The following SORCS1 variants were observed in gnomAD, a reference collection of about 807,000 sequenced individuals.
SORCS1 encodes sortilin related VPS10 domain containing receptor 1.
Under a neutral mutation model 146.1 loss-of-function variants are expected in SORCS1, and 60 were observed. The ratio of observed to expected loss-of-function variants is 0.41; its 90% CI spans 0.33 to 0.51. The LOEUF (loss-of-function observed/expected upper bound fraction) is 0.51, where lower values mean the gene tolerates loss of function less well. Ranked by LOEUF, SORCS1 falls within the 20% of genes least tolerant of loss-of-function variation. The pLI is 0.21. For missense variants in SORCS1, 1,352 were observed against 1,487.6 expected, an observed-to-expected ratio of 0.91 and a Z score of 1.50; for synonymous variants, 637 against 584.0, an observed-to-expected ratio of 1.09 and a Z score of -1.31.
At chr10:107,142,236 C>T (rs1212731768) in intron 1 of SORCS1, among the ~76,000 whole-genome samples, 1 of 152,026 alleles carries the variant, frequency 6.6e-6, no homozygotes, top group African/African-American at 2.4e-5. Context: ...AAATGTGTGC[C>T]CAGGAGATGC....
chr10:106,826,744 G>C (rs746494928), intron 3 of SORCS1, among the ~76,000 whole-genome samples: 6 of 152,112 alleles, frequency 3.9e-5, no homozygotes, highest in Non-Finnish European at 8.8e-5. Flanking sequence ...GACCATGAAG[G>C]CCTCATTTAT....
At chr10:107,079,854 G>C (rs1361679375) in intron 1 of SORCS1, among the ~76,000 whole-genome samples, 1 of 152,170 alleles carries the variant, frequency 6.6e-6, no homozygotes, top group East Asian at 1.9e-4. Context: ...AAGGTATCTT[G>C]GATGGACCCC....
At chr10:107,027,101 T>TAC (rs1257106831) in intron 1 of SORCS1, among the ~76,000 whole-genome samples, 1 of 148,084 alleles carries the variant, frequency 6.8e-6, no homozygotes, top group African/African-American at 2.5e-5. Context: ...CATATATATA[T>TAC]GTATATATAA....
chr10:106,697,715 C>G (rs1275911207), intron 9 of SORCS1, among the ~76,000 whole-genome samples: 1 of 152,080 alleles, frequency 6.6e-6, no homozygotes, highest in Non-Finnish European at 1.5e-5. Context: ...AAAATCACAT[C>G]TAGTAGGTTT....
chr10:106,650,785 T>C (rs1849803905), intron 18 of SORCS1, among the ~76,000 whole-genome samples: 2 of 152,196 alleles, frequency 1.3e-5, no homozygotes, highest in Non-Finnish European at 1.5e-5. Context: ...CTGCAGTCAA[T>C]TTCCCATCTC....
intron 2 of SORCS1, among the ~76,000 whole-genome samples, chr10:106,948,289 A>G (rs201083805): frequency 6.8e-5 from 1 of 14,786 alleles, no homozygotes; most frequent in Non-Finnish European, 1.3e-4. Context: ...CAGTTTTTTG[A>G]AAAAAAAAAA....
chr10:106,838,999 C>G (rs1267591740), intron 2 of SORCS1, among the ~76,000 whole-genome samples: 1 of 152,124 alleles, frequency 6.6e-6, no homozygotes, highest in Non-Finnish European at 1.5e-5. Context: ...CTCCAACAAC[C>G]AGCTATTCCC....
At chr10:106,992,924 C>T (rs1956832400) in intron 1 of SORCS1, among the ~76,000 whole-genome samples, 1 of 146,404 alleles carries the variant, frequency 6.8e-6, no homozygotes. Context: ...CTCTGCCTCC[C>T]TGGTTCAAGC....
At chr10:106,585,757 C>T (rs763689783) in intron 24 of SORCS1, among the ~76,000 whole-genome samples, 5 of 152,354 alleles carry the variant, frequency 3.3e-5, no homozygotes, top group East Asian at 1.9e-4. Flanking sequence ...GTGAATTTCA[C>T]GGCCTTGCAT....
intron 3 of SORCS1, among the ~76,000 whole-genome samples, chr10:106,814,870 G>C (rs938213376): frequency 7.8e-6 from 1 of 128,760 alleles, no homozygotes; most frequent in African/African-American, 3.0e-5. Context: ...AGCCCAGATC[G>C]CGCCACTGCT....
At chr10:107,076,717 A>G (rs529659531) in intron 1 of SORCS1, among the ~76,000 whole-genome samples, 1 of 152,110 alleles carries the variant, frequency 6.6e-6, no homozygotes, top group Non-Finnish European at 1.5e-5. Flanking sequence ...ATTTTATTTT[A>G]GCTCCCATTG....
chr10:106,900,428 C>T (rs764787905), intron 2 of SORCS1, among the ~76,000 whole-genome samples: 1 of 152,144 alleles, frequency 6.6e-6, no homozygotes, highest in East Asian at 1.9e-4. Flanking sequence ...GCAAGAGTCT[C>T]GCTCCCCTTC....
intron 1 of SORCS1, among the ~76,000 whole-genome samples, chr10:106,979,017 A>C (rs542926810): frequency 1.3e-5 from 2 of 152,200 alleles, no homozygotes; most frequent in South Asian, 4.1e-4. Flanking sequence ...GTCTAGAGAC[A>C]TAAGTGGTAG....
chr10:106,663,998 C>T (rs1038509478), intron 17 of SORCS1, among the ~76,000 whole-genome samples: 2 of 152,212 alleles, frequency 1.3e-5, no homozygotes, highest in African/African-American at 4.8e-5. Flanking sequence ...CACTAGCTTG[C>T]TCACCAATGC....
At chr10:106,765,588 G>C (rs1859508555) in intron 4 of SORCS1, among the ~76,000 whole-genome samples, 1 of 152,132 alleles carries the variant, frequency 6.6e-6, no homozygotes, top group Non-Finnish European at 1.5e-5. Context: ...CACTGACAAA[G>C]AGGGATGCCA....
At chr10:106,956,724 G>C (rs1347155893) in intron 1 of SORCS1, 144 bp from the exon 2 acceptor site, 2 of 692,782 alleles carry the variant, frequency 2.9e-6, no homozygotes, top group Non-Finnish European at 4.8e-6. Flanking sequence ...CACACTGACT[G>C]GGGAAAGGTT....
intron 2 of SORCS1, among the ~76,000 whole-genome samples, chr10:106,850,284 C>G (rs1021006815): frequency 2.0e-5 from 3 of 152,162 alleles, no homozygotes; most frequent in East Asian, 3.9e-4. Flanking sequence ...GATATAGTCT[C>G]GTGGTGCGCC....
the SORCS1 span, among the ~76,000 whole-genome samples, chr10:107,177,105 T>C: frequency 6.6e-6 from 1 of 152,186 alleles, no homozygotes; most frequent in Admixed American, 6.5e-5. Flanking sequence ...TTCTCCTTTA[T>C]GTTATTTTTT....
At chr10:106,802,672 T>C (rs576502692) in intron 3 of SORCS1, among the ~76,000 whole-genome samples, 52 of 152,196 alleles carry the variant, frequency 3.4e-4, no homozygotes, top group Non-Finnish European at 6.9e-4. Context: ...CTAATTTTTG[T>C]ATTTTTAGTA....
Sources: gnomAD v4.1 joint callset for allele counts (sites outside exome capture counted in the v4.1 genomes callset) on GRCh38, gnomAD v4.1.1 for gene constraint, MANE v1.5 for transcripts, NCBI Gene and HGNC (gene_info 2026-07-23, HGNC 2026-07-21) for gene names.